RARB: variants seen among roughly 807,000 people sequenced by gnomAD.
RARB encodes HBV-activated protein.
In RARB, 17 loss-of-function variants were observed where a neutral mutation model predicts 51.9. That is an observed-to-expected ratio of 0.33 (90% CI 0.22 to 0.49). RARB has a LOEUF of 0.49. RARB is among the 20% of genes least tolerant of loss of function. The pLI is 0.99. For missense variants in RARB, 369 were observed against 550.8 expected, an observed-to-expected ratio of 0.67 and a Z score of 3.30; for synonymous variants, 215 against 195.4, an observed-to-expected ratio of 1.10 and a Z score of -0.84.
At chr3:25,272,204 A>C (rs61350745) in intron 5 of RARB, among the ~76,000 whole-genome samples, 6,908 of 152,260 alleles carry the variant, frequency 0.045, 520 homozygotes, top group African/African-American at 0.16. Flanking sequence ...TTCCTTTAAA[A>C]AGTTGTTCAT....
Position 25,597,391 on chromosome 3 carries a change from T to A in RARB, c.*775T>A, listed in dbSNP as rs1393363832. Reference sequence around the variant, plus strand: ...AATTAAAAGTGGTTTATTACTTGTTTAATGACATAACTACACAGTTAGTTA... The same window carrying A: ...AATTAAAAGTGGTTTATTACTTGTTAAATGACATAACTACACAGTTAGTTA... On this transcript the variant is annotated 3_prime_UTR_variant, in exon 8 of 8. Coordinates refer to ENST00000330688, the MANE Select transcript of RARB (RefSeq NM_000965.5). 1 of 142,034 alleles carries A rather than the reference T, an allele frequency of 7.0e-6. No homozygotes were observed. The highest frequency in any genetic ancestry group is 1.5e-5 in the Non-Finnish European group (1 of 65,304). 8.8% of individuals were successfully genotyped at this position (142,034 alleles called of 1,614,324 possible). A position where few individuals can be genotyped will look rare whatever the true frequency, so the allele number is the denominator to read the frequency against.
chr3:24,939,165 G>A (rs1695607064), intron 2 of RARB, among the ~76,000 whole-genome samples: 1 of 152,036 alleles, frequency 6.6e-6, no homozygotes, highest in Non-Finnish European at 1.5e-5. Context: ...TGTATTTTTA[G>A]TAGAAACTGG....
chr3:25,433,292 T>TAGGCTGCCCGTTGAACCC, intron 1 of RARB, among the ~76,000 whole-genome samples: 1 of 152,270 alleles, frequency 6.6e-6, no homozygotes, highest in Non-Finnish European at 1.5e-5. Context: ...CAACATCTCC[T>TAGGCTGCCCGTTGAACCC]AGGAGTGGCA....
chr3:25,174,105 AT>A (rs1371780332), intron 4 of RARB: 1 of 179,322 alleles, frequency 5.6e-6, no homozygotes, highest in South Asian at 1.3e-4. Context: ...TATTTTTTTC[AT>A]TTTTTCTTAC....
intron 2 of RARB, among the ~76,000 whole-genome samples, chr3:24,993,666 C>T (rs999283559): frequency 6.6e-6 from 1 of 152,072 alleles, no homozygotes; most frequent in African/African-American, 2.4e-5. Context: ...TCCTTCCCTT[C>T]CCCCAACCTT....
intron 2 of RARB, among the ~76,000 whole-genome samples, chr3:24,885,118 T>A (rs1559382738): frequency 1.3e-5 from 2 of 152,018 alleles, no homozygotes; most frequent in Non-Finnish European, 2.9e-5. Flanking sequence ...ATTTTCCAAG[T>A]AGAGGAAGCT....
At chr3:25,292,354 G>T (rs1030880518) in intron 5 of RARB, among the ~76,000 whole-genome samples, 1 of 152,124 alleles carries the variant, frequency 6.6e-6, no homozygotes. Context: ...AGAGTCTAAA[G>T]GCAAAGTGGG....
At chr3:25,557,124 C>T (rs972633581) in intron 3 of RARB, among the ~76,000 whole-genome samples, 1 of 146,192 alleles carries the variant, frequency 6.8e-6, no homozygotes, top group African/African-American at 2.7e-5. Context: ...TTTGCTTCCA[C>T]ATGGCATTGC....
chr3:25,362,442 C>T (rs1295021307), intron 5 of RARB, among the ~76,000 whole-genome samples: 1 of 152,182 alleles, frequency 6.6e-6, no homozygotes, highest in Admixed American at 6.5e-5. Context: ...AGCAAGACCA[C>T]TTGGCTCCCT....
chr3:25,493,798 A>T (rs894707828), intron 2 of RARB, among the ~76,000 whole-genome samples: 18 of 152,334 alleles, frequency 1.2e-4, no homozygotes, highest in African/African-American at 2.6e-4. Context: ...GCCTTTAAAA[A>T]TTTTTTAAAA....
At chr3:25,554,997 T>G (rs1325072234) in intron 3 of RARB, among the ~76,000 whole-genome samples, 1 of 152,186 alleles carries the variant, frequency 6.6e-6, no homozygotes, top group Admixed American at 6.6e-5. Flanking sequence ...CAGAGCACTC[T>G]CGGTCCAATC....
intron 4 of RARB, among the ~76,000 whole-genome samples, chr3:25,166,965 T>C (rs116799455): frequency 6.4e-4 from 97 of 152,348 alleles, no homozygotes; most frequent in Non-Finnish European, 1.3e-3. Context: ...CACATCCCCA[T>C]GGCATGTCCA....
In RARB at chr3:24,958,255, G is replaced by GTTTTGTTTTTTTTTTT. The variant is rs1314564374; in HGVS notation, c.-380+99507_-380+99508insGTTTTTTTTTTTTTTT. ...ACCTGAAGCTTCCTGAGCTGCTCAGGTTTTTTTTTTTTTTTTTTTTTTTTT... is the reference window on the plus strand; with the variant it reads ...ACCTGAAGCTTCCTGAGCTGCTCAGGTTTTGTTTTTTTTTTTTTTTTTTTTTTTTTTTTTTTTTTTT... On this transcript the variant is annotated intron_variant, in intron 2 of 11. Coordinates refer to the RARB transcript ENST00000383772. 8.4e-4 allele frequency among the ~76,000 whole-genome samples: 58 copies of GTTTTGTTTTTTTTTTT among 69,444 alleles called. 9 individuals carry two copies. Among genetic ancestry groups the GTTTTGTTTTTTTTTTT allele is most frequent in the Non-Finnish European group, 1.4e-3 (47 of 33,294 alleles). The allele number at this position is 69,444 out of a possible 152,430, so 45.6% of individuals were successfully genotyped here.
chr3:25,221,394 C>A (rs891899904), intron 5 of RARB, among the ~76,000 whole-genome samples: 2 of 152,210 alleles, frequency 1.3e-5, no homozygotes, highest in African/African-American at 4.8e-5. Context: ...ATCATTACCA[C>A]TTTTTAAAGA....
intron 3 of RARB, among the ~76,000 whole-genome samples, chr3:25,115,658 C>G (rs1699674047): frequency 7.2e-6 from 1 of 137,978 alleles, no homozygotes; most frequent in South Asian, 2.3e-4. Context: ...CTTTCTTTTT[C>G]CTTTCCTTTC....
intron 3 of RARB, among the ~76,000 whole-genome samples, chr3:25,536,986 G>T (rs1699168406): frequency 1.3e-5 from 2 of 152,352 alleles, no homozygotes; most frequent in South Asian, 4.1e-4. Context: ...GAAATTCCCA[G>T]AATCATGAGA....
chr3:24,979,133 C>T (rs753907636), intron 2 of RARB, among the ~76,000 whole-genome samples: 1 of 152,172 alleles, frequency 6.6e-6, no homozygotes, highest in Admixed American at 6.5e-5. Flanking sequence ...GTTGTGATTT[C>T]TGTTCTCTTA....
intron 2 of RARB, among the ~76,000 whole-genome samples, chr3:24,874,363 ATTC>A (rs1208295871): frequency 6.6e-6 from 1 of 151,972 alleles, no homozygotes; most frequent in African/African-American, 2.4e-5. Context: ...TTCATTGGTG[ATTC>A]TTTTTATCTG....
chr3:24,894,742 G>T (rs912364694), intron 2 of RARB, among the ~76,000 whole-genome samples: 1 of 152,172 alleles, frequency 6.6e-6, no homozygotes, highest in African/African-American at 2.4e-5. Context: ...CAGTTACTTA[G>T]CATATTGCTG....
Sources: gnomAD v4.1 joint callset for allele counts (sites outside exome capture counted in the v4.1 genomes callset) on GRCh38, gnomAD v4.1.1 for gene constraint, MANE v1.5 for transcripts, NCBI Gene and HGNC (gene_info 2026-07-23, HGNC 2026-07-21) for gene names.